Variants in BTRC observed in about 807,000 individuals in gnomAD.
The protein encoded by BTRC is beta-transducin repeat containing E3 ubiquitin protein ligase, also known as F-box/WD repeat-containing protein 1A.
Under a neutral mutation model 85.5 loss-of-function variants are expected in BTRC, and 42 were observed. That is an observed-to-expected ratio of 0.49 (90% confidence interval 0.38 to 0.64). The LOEUF is 0.64. Among genes scored for constraint, BTRC ranks in the 30% least tolerant of loss-of-function variants. The pLI, the probability that BTRC is intolerant of heterozygous loss-of-function variation, is 0.00. For missense variants in BTRC, 594 were observed against 743.5 expected, an observed-to-expected ratio of 0.80 and a Z score of 2.34; for synonymous variants, 255 against 263.3, an observed-to-expected ratio of 0.97 and a Z score of 0.30.
At chr10:101,412,517 T>C (rs969368479) in intron 1 of BTRC, among the ~76,000 whole-genome samples, 1 of 152,242 alleles carries the variant, frequency 6.6e-6, no homozygotes, top group Admixed American at 6.5e-5. Context: ...ATACCAATTA[T>C]TGCCTTATGG....
At chr10:101,433,098 G>T (rs781013262) in intron 2 of BTRC, among the ~76,000 whole-genome samples, 1 of 152,144 alleles carries the variant, frequency 6.6e-6, no homozygotes, top group East Asian at 1.9e-4. Context: ...CCCAGAGACC[G>T]CTTTCCAGTA....
In BTRC at chr10:101,556,805, G is replaced by A. The variant is rs1269048323; in HGVS notation, c.*3682G>A. On this transcript the variant is annotated 3_prime_UTR_variant, in exon 15 of 15. Transcript: ENST00000370187. ...GAGTACCTGTGATCTAAAATGTCCTGGAGGCAGATGACATCTAAAATATGT... is the reference window on the plus strand; with the variant it reads ...GAGTACCTGTGATCTAAAATGTCCTAGAGGCAGATGACATCTAAAATATGT... 9 of 152,206 alleles carry A rather than the reference G, an allele frequency of 5.9e-5. No individual in the cohort carries two copies. Among genetic ancestry groups the A allele is most frequent in the African/African-American group, 1.7e-4 (7 of 41,444 alleles). 9.4% of individuals were successfully genotyped at this position (152,206 alleles called of 1,614,324 possible).
rs560909487 is a variant in BTRC at position 101,508,866 on chromosome 10, A to T, written c.325-12773A>T. 3.5e-5 allele frequency among the ~76,000 whole-genome samples: 5 copies of T among 144,462 alleles called. No homozygotes were observed. The South Asian group carries it at 9.5e-4, about 27-fold the overall frequency. 94.8% of individuals were successfully genotyped at this position (144,462 alleles called of 152,430 possible). On this transcript the variant is annotated intron_variant, in intron 4 of 14. Transcript: ENST00000370187. ...GAGGCGGAGCTTGCAGTGAGCCAAGATTGTGCCACTGCACTCCAGTCTGGG... is the reference window on the plus strand; with the variant it reads ...GAGGCGGAGCTTGCAGTGAGCCAAGTTTGTGCCACTGCACTCCAGTCTGGG...
At chr10:101,403,443 T>C (rs1282626275) in intron 1 of BTRC, among the ~76,000 whole-genome samples, 1 of 152,230 alleles carries the variant, frequency 6.6e-6, no homozygotes, top group African/African-American at 2.4e-5. Flanking sequence ...TGGATTTTAT[T>C]TGCCATTATT....
At chr10:101,446,115 C>T (rs551404172) in intron 2 of BTRC, among the ~76,000 whole-genome samples, 7 of 134,970 alleles carry the variant, frequency 5.2e-5, no homozygotes, top group South Asian at 3.0e-4. Context: ...CCCCCACCCC[C>T]CCAACCCCCT....
At chr10:101,484,704 A>G (rs1379430957) in intron 4 of BTRC, among the ~76,000 whole-genome samples, 8 of 152,206 alleles carry the variant, frequency 5.3e-5, no homozygotes, top group Non-Finnish European at 1.0e-4. Context: ...AGAACATACT[A>G]AGATATAACC....
Position 101,555,652 on chromosome 10 carries a change from G to A in BTRC, c.*2529G>A, listed in dbSNP as rs1354539092. ...CTTACCATCTCTGCATGATTTCAGT[G>A]GGAATTGATTATCACTAATCCCCAA... On this transcript the variant is annotated 3_prime_UTR_variant, in exon 15 of 15. Transcript: ENST00000370187. 6.6e-6 allele frequency: 1 copy of A among 152,624 alleles called. No individual in the cohort carries two copies. 9.5% of individuals were successfully genotyped at this position (152,624 alleles called of 1,614,324 possible). A position where few individuals can be genotyped will look rare whatever the true frequency, so the allele number is the denominator to read the frequency against.
chr10:101,497,521 A>G lies in BTRC; in HGVS notation c.324+18064A>G, dbSNP rs531339583. ...AGACCAGCCTGGTCAACAAAGTGAG[A>G]CCCCTGTCTCTACAAATAAAAAATA... On this transcript the variant is annotated intron_variant, in intron 4 of 14. Coordinates refer to ENST00000370187, the MANE Select transcript of BTRC (RefSeq NM_033637.4). Among the ~76,000 whole-genome samples the G allele has an allele frequency of 1.3e-4, 20 of 152,180 alleles. No individual in the cohort carries two copies. In the East Asian group the frequency reaches 3.9e-3, roughly 29 times the overall value.
chr10:101,357,310 G>T (rs544910724), intron 1 of BTRC, among the ~76,000 whole-genome samples: 2 of 150,830 alleles, frequency 1.3e-5, no homozygotes, highest in African/African-American at 2.4e-5. Context: ...GCCTGGTGGC[G>T]CGCACCTGTA....
rs574809949 is a variant in BTRC, at chr10:101,445,866, C to T, written c.156+15414C>T. Among the ~76,000 whole-genome samples, 38 of 152,214 alleles carry T rather than the reference C, an allele frequency of 2.5e-4. 2 individuals are homozygous for T. In the South Asian group the frequency reaches 6.6e-3, roughly 27 times the overall value. On this transcript the variant is annotated intron_variant, in intron 2 of 14. Coordinates refer to ENST00000370187, the MANE Select transcript of BTRC (RefSeq NM_033637.4). The stretch of plus-strand genomic sequence containing the variant: ...TTATCTGCTTTTATTTGCTTAATGA[C>T]GGGGAGGGTGTTAAAGTCAAATGTT...
chr10:101,489,536 G>T (rs1435343146), intron 4 of BTRC, among the ~76,000 whole-genome samples: 1 of 152,022 alleles, frequency 6.6e-6, no homozygotes, highest in African/African-American at 2.4e-5. Context: ...GATGTAAAAA[G>T]ATCGCTTACA....
chr10:101,531,300 A>G lies in BTRC; in HGVS notation c.807A>G (p.Arg269=), dbSNP rs765768695. The G allele has an allele frequency of 1.2e-6, 2 of 1,611,050 alleles. No individual in the cohort carries two copies. The highest frequency in any genetic ancestry group is 1.7e-6 in the Non-Finnish European group (2 of 1,177,268). Residue 269 remains arginine (R), a synonymous_variant, in exon 7 of 15, where the codon AGA becomes AGG. Coordinates refer to ENST00000370187, the MANE Select transcript of BTRC (RefSeq NM_033637.4). Reference sequence around the variant, plus strand: ...ATGCTCCTCCCAACTCTTTTTATAGAGCACTTTATCCTAAAATTATACAAG... The same window carrying G: ...ATGCTCCTCCCAACTCTTTTTATAGGGCACTTTATCCTAAAATTATACAAG... The part of the protein sequence containing the change: ...DGNAPPNSFY[R]ALYPKIIQDI...
intron 13 of BTRC, among the ~76,000 whole-genome samples, chr10:101,544,355 G>A (rs3127234): frequency 0.63 from 95,801 of 151,310 alleles, 31,512 homozygotes; most frequent in East Asian, 0.85. Flanking sequence ...AACATTTCAT[G>A]TATGCAGGTA....
chr10:101,468,012 C>T (rs1474663207), intron 3 of BTRC, among the ~76,000 whole-genome samples: 2 of 152,124 alleles, frequency 1.3e-5, no homozygotes, highest in East Asian at 3.8e-4. Flanking sequence ...TCTGTTGAAT[C>T]CTTTAGAGTC....
At chr10:101,516,154 G>T (rs1340382758) in intron 4 of BTRC, among the ~76,000 whole-genome samples, 3 of 152,206 alleles carry the variant, frequency 2.0e-5, no homozygotes, top group Non-Finnish European at 2.9e-5. Context: ...GGAAGGCTCA[G>T]CTCCAACAGT....
At chr10:101,357,312 G>A (rs1464273085) in intron 1 of BTRC, among the ~76,000 whole-genome samples, 1 of 150,800 alleles carries the variant, frequency 6.6e-6, no homozygotes, top group Non-Finnish European at 1.5e-5. Flanking sequence ...CTGGTGGCGC[G>A]CACCTGTAGT....
intron 1 of BTRC, among the ~76,000 whole-genome samples, chr10:101,410,475 C>T (rs1198444873): frequency 2.0e-5 from 3 of 151,972 alleles, no homozygotes; most frequent in Admixed American, 1.3e-4. Context: ...ATTAGCCAGG[C>T]ACGATGATGC....
intron 4 of BTRC, among the ~76,000 whole-genome samples, chr10:101,500,511 G>A (rs1022316732): frequency 1.3e-5 from 2 of 152,108 alleles, no homozygotes; most frequent in African/African-American, 4.8e-5. Flanking sequence ...TTAATAAAGA[G>A]ATAGATTCAT....
At chr10:101,458,215 A>G (rs1460395305) in intron 2 of BTRC, among the ~76,000 whole-genome samples, 1 of 152,212 alleles carries the variant, frequency 6.6e-6, no homozygotes, top group African/African-American at 2.4e-5. Flanking sequence ...ATTTACAACA[A>G]CATGAGTAGA....
Sources: gnomAD v4.1 joint callset for allele counts (sites outside exome capture counted in the v4.1 genomes callset) on GRCh38, gnomAD v4.1.1 for gene constraint, MANE v1.5 for transcripts, NCBI Gene and HGNC (gene_info 2026-07-23, HGNC 2026-07-21) for gene names.